Variants in PCED1B observed in about 807,000 individuals in gnomAD.
PCED1B encodes the protein PC-esterase domain-containing protein 1B.
For synonymous variants in PCED1B, 251 were observed against 246.1 expected, an observed-to-expected ratio of 1.02 and a Z score of -0.19; for missense variants, 573 against 573.9, an observed-to-expected ratio of 1.00 and a Z score of 0.02.
chr12:47,175,663 T>G (rs1051605910), intron 2 of PCED1B, among the ~76,000 whole-genome samples: 1 of 152,034 alleles, frequency 6.6e-6, no homozygotes, highest in African/African-American at 2.4e-5. Flanking sequence ...AACCTCAGCC[T>G]CCCAGGTTTA....
chr12:47,135,407 G>A (rs931264772), intron 2 of PCED1B: 1 of 236,596 alleles, frequency 4.2e-6, no homozygotes, highest in Non-Finnish European at 8.7e-6. Flanking sequence ...AGCTTTGGGG[G>A]CAGGGCAAGG....
intron 2 of PCED1B, among the ~76,000 whole-genome samples, chr12:47,207,304 T>A (rs1942940615): frequency 6.6e-6 from 1 of 152,232 alleles, no homozygotes. Context: ...CCTGTTGGAT[T>A]GGTTGAGATG....
intron 2 of PCED1B, among the ~76,000 whole-genome samples, chr12:47,156,558 G>A (rs748607124): frequency 6.6e-6 from 1 of 151,762 alleles, no homozygotes; most frequent in African/African-American, 2.4e-5. Context: ...TATGCCCTTG[G>A]GCTCAGGGCA....
intron 3 of PCED1B, among the ~76,000 whole-genome samples, chr12:47,222,708 T>C (rs1441258299): frequency 2.0e-5 from 3 of 152,172 alleles, no homozygotes; most frequent in Non-Finnish European, 4.4e-5. Flanking sequence ...TTGATGAGGT[T>C]TCTTCAGGGC....
At chr12:47,119,989 T>A (rs933512049) in intron 2 of PCED1B, among the ~76,000 whole-genome samples, 15 of 147,000 alleles carry the variant, frequency 1.0e-4, no homozygotes, top group South Asian at 2.1e-4. Flanking sequence ...ATAATAATAA[T>A]AAAATGATTA....
rs771590553 is a variant in PCED1B, at chr12:47,235,262, C to T, written c.199C>T (p.Arg67Trp). The T allele has an allele frequency of 9.9e-6, 16 of 1,613,706 alleles. No homozygotes were observed. Among genetic ancestry groups the T allele is most frequent in the East Asian group, 4.5e-5 (2 of 44,878 alleles). ...AGATGAGCTGGTGGACGGAGGCCAGCGGGGCCACATGCACAACGGCCTTAA... is the reference window on the plus strand; with the variant it reads ...AGATGAGCTGGTGGACGGAGGCCAGTGGGGCCACATGCACAACGGCCTTAA... ...EQDELVDGGQ[R>W]GHMHNGLNYR... Residue 67 changes from arginine (R) to tryptophan (W), a missense_variant, in exon 4 of 4, where the codon CGG becomes TGG. Coordinates refer to ENST00000546455, the MANE Select transcript of PCED1B (RefSeq NM_138371.3).
Position 47,100,281 on chromosome 12 carries a change from ATAT to A in PCED1B, c.-608-3828_-608-3826del, listed in dbSNP as rs1442538655. 2.6e-5 allele frequency among the ~76,000 whole-genome samples: 4 copies of A among 152,316 alleles called. No homozygotes were observed. In the East Asian group the frequency reaches 7.7e-4, roughly 29 times the overall value. ...TTTTTGGCATGCTTGGATCTCTATC[ATAT>A]TATGTTCTTGTCTTTTCTGGTACAA... On this transcript the variant is annotated intron_variant, in intron 1 of 3. Transcript: ENST00000546455.
intron 1 of PCED1B, among the ~76,000 whole-genome samples, chr12:47,080,666 G>C (rs1268147043): frequency 1.3e-5 from 2 of 152,158 alleles, no homozygotes; most frequent in African/African-American, 4.8e-5. Flanking sequence ...AGAAGGAGGA[G>C]GGCAGGAAAG....
intron 2 of PCED1B, among the ~76,000 whole-genome samples, chr12:47,144,382 T>C (rs1940709844): frequency 6.6e-6 from 1 of 152,166 alleles, no homozygotes; most frequent in African/African-American, 2.4e-5. Flanking sequence ...TTGAGGTCAT[T>C]CTCCTATTGT....
chr12:47,080,114 G>A (rs1257286642), intron 1 of PCED1B, among the ~76,000 whole-genome samples: 1 of 152,060 alleles, frequency 6.6e-6, no homozygotes, highest in Non-Finnish European at 1.5e-5. Flanking sequence ...CGGACCTCTA[G>A]AACGGCCGCG....
At chr12:47,096,083 C>T (rs928513881) in intron 1 of PCED1B, among the ~76,000 whole-genome samples, 2 of 152,096 alleles carry the variant, frequency 1.3e-5, no homozygotes, top group East Asian at 3.8e-4. Context: ...AGACCACATC[C>T]TCATCTCGGG....
chr12:47,180,698 T>C (rs1041523635), intron 2 of PCED1B, among the ~76,000 whole-genome samples: 33 of 152,120 alleles, frequency 2.2e-4, no homozygotes, highest in Admixed American at 1.4e-3. Context: ...AATCTACCCA[T>C]CTGACAAATG....
intron 1 of PCED1B, among the ~76,000 whole-genome samples, chr12:47,092,944 C>A (rs568094798): frequency 6.6e-6 from 1 of 152,062 alleles, no homozygotes; most frequent in South Asian, 2.1e-4. Flanking sequence ...GATGGGCTTG[C>A]AGTTTTCTTT....
At chr12:47,158,005 G>A (rs1941249866) in intron 2 of PCED1B, among the ~76,000 whole-genome samples, 2 of 152,140 alleles carry the variant, frequency 1.3e-5, no homozygotes, top group Admixed American at 6.5e-5. Context: ...ATTTTCAATT[G>A]TATGTATGTA....
At chr12:47,093,482 C>G (rs1275149202) in intron 1 of PCED1B, among the ~76,000 whole-genome samples, 1 of 151,222 alleles carries the variant, frequency 6.6e-6, no homozygotes, top group African/African-American at 2.4e-5. Context: ...TTTATCATTT[C>G]TTTTTGTAAG....
Position 47,205,364 on chromosome 12 carries a change from T to C in PCED1B, c.-525-10858T>C, listed in dbSNP as rs115835147. Among the ~76,000 whole-genome samples, 514 of 152,184 alleles carry C rather than the reference T, an allele frequency of 3.4e-3. 4 individuals carry two copies. Among genetic ancestry groups the C allele is most frequent in the African/African-American group, 0.012 (491 of 41,530 alleles). On this transcript the variant is annotated intron_variant, in intron 2 of 3. Coordinates refer to ENST00000546455, the MANE Select transcript of PCED1B (RefSeq NM_138371.3). ...ATAGTGACGTTATCCCCAGGAGCAA[T>C]TTGGAAAGGTTCAGAATCCTGCAGC...
chr12:47,220,783 A>T (rs1033967984), intron 3 of PCED1B, among the ~76,000 whole-genome samples: 1 of 152,222 alleles, frequency 6.6e-6, no homozygotes, highest in Non-Finnish European at 1.5e-5. Flanking sequence ...AGATTTTTCT[A>T]TCTAGGAGAG....
At chr12:47,190,564 C>A in intron 2 of PCED1B, among the ~76,000 whole-genome samples, 1 of 152,240 alleles carries the variant, frequency 6.6e-6, no homozygotes, top group Non-Finnish European at 1.5e-5. Flanking sequence ...CTATGCAAAT[C>A]CTGCATCTGG....
chr12:47,143,138 C>G (rs1274544212), intron 2 of PCED1B, among the ~76,000 whole-genome samples: 1 of 152,026 alleles, frequency 6.6e-6, no homozygotes, highest in Non-Finnish European at 1.5e-5. Context: ...AGCTTTACCT[C>G]TAAGATCAGG....
Sources: gnomAD v4.1 joint callset for allele counts (sites outside exome capture counted in the v4.1 genomes callset) on GRCh38, gnomAD v4.1.1 for gene constraint, MANE v1.5 for transcripts, NCBI Gene and HGNC (gene_info 2026-07-23, HGNC 2026-07-21) for gene names.